HIPK3: variants seen among roughly 807,000 people sequenced by gnomAD.
HIPK3 encodes homeodomain interacting protein kinase 3.
In HIPK3, 47 loss-of-function variants were observed where a neutral mutation model predicts 124.2. The ratio of observed to expected loss-of-function variants is 0.38; its 90% CI spans 0.30 to 0.48. The LOEUF is 0.48. Among genes scored for constraint, HIPK3 ranks in the 20% least tolerant of loss-of-function variants. The pLI is 0.98. For missense variants in HIPK3, 1,286 were observed against 1,454.3 expected (o/e 0.88, Z 1.88); for synonymous variants, 482 against 515.2 (o/e 0.94, Z 0.87).
At chr11:33,261,278 C>G (rs1330914855) in intron 1 of HIPK3, among the ~76,000 whole-genome samples, 1 of 150,592 alleles carries the variant, frequency 6.6e-6, no homozygotes, top group Non-Finnish European at 1.5e-5. Context: ...AAACTTGTGT[C>G]ATGTGTGTTT....
At chr11:33,306,677 A>T (rs531037964) in intron 2 of HIPK3, among the ~76,000 whole-genome samples, 1 of 152,312 alleles carries the variant, frequency 6.6e-6, no homozygotes, top group South Asian at 2.1e-4. Flanking sequence ...TAACTACCTC[A>T]CAGGTTGTTG....
chr11:33,272,399 CAA>C (rs879333622), intron 1 of HIPK3, among the ~76,000 whole-genome samples: 1 of 137,296 alleles, frequency 7.3e-6, no homozygotes. Flanking sequence ...ACTCCGTCTC[CAA>C]AAAAAAAAAA....
chr11:33,330,937 G>T (rs1852961377), intron 3 of HIPK3, among the ~76,000 whole-genome samples: 1 of 151,786 alleles, frequency 6.6e-6, no homozygotes, highest in Non-Finnish European at 1.5e-5. Context: ...AGGCCTGAGT[G>T]CAGTGGTTCC....
chr11:33,310,228 T>TTGTCTGTCTGTCTGTC (rs67183549), intron 2 of HIPK3, among the ~76,000 whole-genome samples: 12 of 146,424 alleles, frequency 8.2e-5, no homozygotes, highest in Admixed American at 6.2e-4. Flanking sequence ...CTGGCTATCT[T>TTGTCTGTCTGTCTGTC]TGTCTGTCTG....
Position 33,347,726 on chromosome 11 carries a change from C to A in HIPK3, c.2117C>A (p.Ala706Asp). The A allele has an allele frequency of 1.9e-6, 3 of 1,614,160 alleles. No homozygotes were observed. Among genetic ancestry groups the A allele is most frequent in the Non-Finnish European group, 2.5e-6 (3 of 1,180,006 alleles). ...ACTACACTAACTTCTGAGAGTGTGG[C>A]TGGTTCACACAGGCTTGGAGACTGG... Reference protein sequence around the residue: ...ATTTLTSESVAGSHRLGDWGK... With the variant: ...ATTTLTSESVDGSHRLGDWGK... The change falls in exon 10 of 17, where the codon GCT becomes GAT. Residue 706 changes from alanine (A) to aspartate (D), a missense_variant. Coordinates refer to ENST00000303296, the MANE Select transcript of HIPK3 (RefSeq NM_005734.5).
At chr11:33,290,001 C>A (rs1301808813) in intron 2 of HIPK3, among the ~76,000 whole-genome samples, 1 of 152,160 alleles carries the variant, frequency 6.6e-6, no homozygotes, top group African/African-American at 2.4e-5. Flanking sequence ...GGATCTCATT[C>A]TTTGTATCCA....
intron 2 of HIPK3, among the ~76,000 whole-genome samples, chr11:33,309,736 C>A (rs12805743): frequency 0.29 from 43,621 of 152,088 alleles, 7,228 homozygotes; most frequent in Middle Eastern, 0.43. Context: ...ATTTATCAAT[C>A]CATTTTTATC....
At chr11:33,319,692 G>A (rs910701569) in intron 2 of HIPK3, among the ~76,000 whole-genome samples, 4 of 152,136 alleles carry the variant, frequency 2.6e-5, no homozygotes, top group African/African-American at 9.7e-5. Flanking sequence ...AATGATGTAT[G>A]CTATTAGCTT....
At chr11:33,296,653 T>C (rs1851849204) in intron 2 of HIPK3, among the ~76,000 whole-genome samples, 1 of 152,202 alleles carries the variant, frequency 6.6e-6, no homozygotes, top group South Asian at 2.1e-4. Flanking sequence ...CTTTGAACAG[T>C]AGTCTTTGAT....
At chr11:33,283,000 G>GT (rs1207214779) in intron 1 of HIPK3, among the ~76,000 whole-genome samples, 5 of 151,930 alleles carry the variant, frequency 3.3e-5, no homozygotes, top group African/African-American at 1.2e-4. Flanking sequence ...TTTTCAGTGT[G>GT]TTTTTTCTTC....
At chr11:33,306,643 T>A (rs1219438023) in intron 2 of HIPK3, among the ~76,000 whole-genome samples, 1 of 152,232 alleles carries the variant, frequency 6.6e-6, no homozygotes, top group Non-Finnish European at 1.5e-5. Flanking sequence ...CTCAGTTTAG[T>A]CATCTGTAAT....
In HIPK3 at chr11:33,355,291, G is replaced by T. The variant is rs1197060041; in HGVS notation, c.*1723G>T. 1 of 151,898 alleles carries T rather than the reference G, an allele frequency of 6.6e-6. No individual in the cohort carries two copies. The highest frequency in any genetic ancestry group is 1.5e-5 in the Non-Finnish European group (1 of 67,890). 9.4% of individuals were successfully genotyped at this position (151,898 alleles called of 1,614,324 possible). A position where few individuals can be genotyped will look rare whatever the true frequency, so the allele number is the denominator to read the frequency against. Reference sequence around the variant, plus strand: ...AAATAATTGCATTTGTTACTTTGGGGTGTGTTATTTGCATCAGTATTTTAT... The same window carrying T: ...AAATAATTGCATTTGTTACTTTGGGTTGTGTTATTTGCATCAGTATTTTAT... On this transcript the variant is annotated 3_prime_UTR_variant, in exon 17 of 17. Transcript: ENST00000303296.
chr11:33,325,915 T>C (rs1852799114), intron 2 of HIPK3, among the ~76,000 whole-genome samples: 1 of 152,252 alleles, frequency 6.6e-6, no homozygotes, highest in East Asian at 1.9e-4. Context: ...CTTGAATATT[T>C]TGTCAAAAGA....
chr11:33,291,372 C>T lies in HIPK3; in HGVS notation c.1097+3861C>T, dbSNP rs903363031. Among the ~76,000 whole-genome samples the T allele has an allele frequency of 5.9e-5, 9 of 152,292 alleles. 1 individual carries two copies. The highest frequency in any genetic ancestry group is 6.8e-3 in the Middle Eastern group (2 of 292). On this transcript the variant is annotated intron_variant, in intron 2 of 16. Transcript: ENST00000303296. Reference sequence around the variant, plus strand: ...TTTTGAGCAAAGCACAGTAGGAATGCACATATCCTGATTTCTGAGGTAAAC... The same window carrying T: ...TTTTGAGCAAAGCACAGTAGGAATGTACATATCCTGATTTCTGAGGTAAAC...
intron 16 of HIPK3, 40 bp downstream of exon 16, chr11:33,352,305 A>T (rs1161959861): frequency 6.2e-7 from 1 of 1,601,126 alleles, no homozygotes; most frequent in African/African-American, 1.3e-5. Context: ...TGTGGGATTC[A>T]AATTTAGCAG....
At position 33,339,528 on chromosome 11, in the gene HIPK3, G is replaced by A. The variant is rs1033447016; in HGVS notation, c.1607G>A (p.Ser536Asn). The A allele has an allele frequency of 2.5e-6, 4 of 1,593,258 alleles. No individual in the cohort carries two copies. In the African/African-American group the frequency reaches 4.0e-5, roughly 16 times the overall value. The stretch of plus-strand genomic sequence containing the variant: ...AAACATCTTCTAGATTTCCCTCATA[G>A]CAACCAGTATGTTACTTTAAGATCT... ...NMKHLLDFPHSNHVKSCFHIM... is the reference protein window; with the variant it reads ...NMKHLLDFPHNNHVKSCFHIM... The change falls in exon 6 of 17, where the codon AGC becomes AAC. Residue 536 changes from serine (S) to asparagine (N), a missense_variant. Ser to Asn is a conservative substitution (Grantham distance 46). Transcript: ENST00000303296.
chr11:33,258,194 CG>C (rs1480667786), intron 1 of HIPK3: 2 of 627,216 alleles, frequency 3.2e-6, no homozygotes, highest in Non-Finnish European at 4.0e-6. Context: ...GGCCGGGGCC[CG>C]GGGGCCTCGG....
Position 33,356,029 on chromosome 11 carries a change from C to CTGAA in HIPK3, c.*2461_*2462insTGAA, listed in dbSNP as rs1447993706. On this transcript the variant is annotated 3_prime_UTR_variant, in exon 17 of 17. Transcript: ENST00000303296. ...CTTAGGAAAGAATCAATGCTGGCAA[C>CTGAA]ACATTGTTTCAGAAACACCAAGTGC... 1.3e-4 allele frequency: 19 copies of CTGAA among 151,934 alleles called. No individual in the cohort carries two copies. Among genetic ancestry groups the CTGAA allele is most frequent in the Non-Finnish European group, 2.9e-5 (2 of 67,892 alleles). 9.4% of individuals were successfully genotyped at this position (151,934 alleles called of 1,614,324 possible). A position where few individuals can be genotyped will look rare whatever the true frequency, so the allele number is the denominator to read the frequency against.
At chr11:33,311,938 A>C (rs1184358572) in intron 2 of HIPK3, among the ~76,000 whole-genome samples, 2 of 71,966 alleles carry the variant, frequency 2.8e-5, no homozygotes, top group Non-Finnish European at 3.1e-5. Flanking sequence ...CACACACACT[A>C]CACACACACA....
Sources: allele counts gnomAD v4.1 joint callset (sites outside exome capture counted in the v4.1 genomes callset), GRCh38; gene constraint gnomAD v4.1.1; transcripts MANE v1.5; gene names NCBI Gene and HGNC (gene_info 2026-07-23, HGNC 2026-07-21).